The following COPS2 variants were observed in gnomAD, a reference collection of about 807,000 sequenced individuals.
COPS2 encodes COP9 signalosome subunit 2.
COPS2 carries 10 observed loss-of-function variants against 66.1 expected under a neutral mutation model. The ratio of observed to expected loss-of-function variants is 0.15; its 90% CI spans 0.09 to 0.26. The LOEUF is 0.26. Ranked by LOEUF, COPS2 falls within the 10% of genes least tolerant of loss-of-function variation. COPS2 has a pLI of 1.00. For missense variants in COPS2, 215 were observed against 513.3 expected (o/e 0.42, Z 5.62); for synonymous variants, 179 against 171.3 (o/e 1.04, Z -0.35).
At chr15:49,137,304 C>G (rs763039248) in intron 5 of COPS2, 44 bp downstream of exon 5, 2 of 1,532,514 alleles carry the variant, frequency 1.3e-6, no homozygotes, top group South Asian at 1.2e-5. Flanking sequence ...TTAAAAACAC[C>G]CACCCACTTT....
chr15:49,150,071 G>T (rs1595826644), intron 1 of COPS2, among the ~76,000 whole-genome samples: 1 of 151,710 alleles, frequency 6.6e-6, no homozygotes, highest in East Asian at 1.9e-4. Context: ...GAGGCAGGTG[G>T]ATCACCAGGA....
At chr15:49,129,323 A>G (rs1336267919) in intron 11 of COPS2, among the ~76,000 whole-genome samples, 154 bp downstream of exon 11, 1 of 151,886 alleles carries the variant, frequency 6.6e-6, no homozygotes, top group African/African-American at 2.4e-5. Context: ...AAAAAAAATG[A>G]TTAAAAGTAA....
At chr15:49,150,013 T>G (rs1404431425) in intron 1 of COPS2, among the ~76,000 whole-genome samples, 1 of 152,090 alleles carries the variant, frequency 6.6e-6, no homozygotes. Flanking sequence ...AAAAACTGTC[T>G]GCTGGGCACG....
Position 49,123,873 on chromosome 15 carries a change from T to C in COPS2, c.*4077A>G, listed in dbSNP as rs2084142876. The C allele has an allele frequency of 6.6e-6, 1 of 152,200 alleles. No homozygotes were observed. Among genetic ancestry groups the C allele is most frequent in the African/African-American group, 2.4e-5 (1 of 41,454 alleles). 9.4% of individuals were successfully genotyped at this position (152,200 alleles called of 1,614,324 possible). A position where few individuals can be genotyped will look rare whatever the true frequency, so the allele number is the denominator to read the frequency against. ...TCCTTAAAATTCAAAAGCAAGTAAG[T>C]GATGCTAAACTTTAGCATTTTGAGA... On this transcript the variant is annotated 3_prime_UTR_variant, in exon 13 of 13. Coordinates refer to ENST00000388901, the MANE Select transcript of COPS2 (RefSeq NM_004236.4).
intron 4 of COPS2, among the ~76,000 whole-genome samples, chr15:49,139,023 T>TAAGA (rs2084272483): frequency 6.6e-6 from 1 of 152,212 alleles, no homozygotes; most frequent in Non-Finnish European, 1.5e-5. Context: ...ATACCTTCTT[T>TAAGA]AGTTTCTTTC....
At chr15:49,153,720 T>G (rs544896311) in intron 1 of COPS2, among the ~76,000 whole-genome samples, 1 of 152,326 alleles carries the variant, frequency 6.6e-6, no homozygotes, top group Non-Finnish European at 1.5e-5. Context: ...TAAAAAAGAA[T>G]GAAATTCTGT....
In COPS2 at chr15:49,124,978, A is replaced by G. The variant is rs1309949286; in HGVS notation, c.*2972T>C. 6.6e-6 allele frequency: 1 copy of G among 152,188 alleles called. No individual in the cohort carries two copies. The highest frequency in any genetic ancestry group is 1.5e-5 in the Non-Finnish European group (1 of 68,012). The allele number at this position is 152,188 out of a possible 1,614,324, so 9.4% of individuals were successfully genotyped here. A position where few individuals can be genotyped will look rare whatever the true frequency, so the allele number is the denominator to read the frequency against. On this transcript the variant is annotated 3_prime_UTR_variant, in exon 13 of 13. Coordinates refer to ENST00000388901, the MANE Select transcript of COPS2 (RefSeq NM_004236.4). The stretch of plus-strand genomic sequence containing the variant: ...CACAAAAGCATACATACCTGTGTTT[A>G]CTGAAGAACTGTAACTATTGATTAA...
intron 12 of COPS2, 60 bp from the exon 13 acceptor site, chr15:49,128,154 TTAA>T (rs1158864493): frequency 6.5e-7 from 1 of 1,533,602 alleles, no homozygotes; most frequent in Non-Finnish European, 8.9e-7. Flanking sequence ...AGTTTCTGGA[TTAA>T]TGTTTCATAA....
At chr15:49,142,369 T>G (rs1236645273) in intron 3 of COPS2, among the ~76,000 whole-genome samples, 1 of 152,168 alleles carries the variant, frequency 6.6e-6, no homozygotes, top group Non-Finnish European at 1.5e-5. Flanking sequence ...GTGCCCCTCC[T>G]ATTAAAGGTG....
chr15:49,144,829 G>C (rs907925299), intron 2 of COPS2, 136 bp downstream of exon 2: 2 of 536,916 alleles, frequency 3.7e-6, no homozygotes, highest in Non-Finnish European at 6.5e-6. Flanking sequence ...ACACTTGCTT[G>C]TGCTGCCTAA....
At chr15:49,137,123 A>G in intron 6 of COPS2, 27 bp downstream of exon 6, 1 of 1,447,598 alleles carries the variant, frequency 6.9e-7, no homozygotes, top group Non-Finnish European at 9.4e-7. Flanking sequence ...ATGAAGAAAT[A>G]TTCAGAAAAA....
chr15:49,125,939 T>C lies in COPS2; in HGVS notation c.*2011A>G, dbSNP rs1163871385. On this transcript the variant is annotated 3_prime_UTR_variant, in exon 13 of 13. Coordinates refer to ENST00000388901, the MANE Select transcript of COPS2 (RefSeq NM_004236.4). ...AATTGGAGGATAAAGGTTAAATCAT[T>C]TCATTCAAATCTTTGAATTCTAATT... 3 of 152,266 alleles carry C rather than the reference T, an allele frequency of 2.0e-5. No individual in the cohort carries two copies. In the East Asian group the frequency reaches 5.8e-4, roughly 29 times the overall value. The allele number at this position is 152,266 out of a possible 1,614,324, so 9.4% of individuals were successfully genotyped here. A position where few individuals can be genotyped will look rare whatever the true frequency, so the allele number is the denominator to read the frequency against.
chr15:49,138,993 T>C (rs776714100), intron 4 of COPS2, among the ~76,000 whole-genome samples: 2 of 152,228 alleles, frequency 1.3e-5, no homozygotes, highest in East Asian at 1.9e-4. Context: ...AGACTCATAA[T>C]GAAAGCACTA....
In COPS2 at chr15:49,127,829, G is replaced by T; in HGVS notation, c.*121C>A. ...ACCAGTTGATCAAAAAAGCACTTCTGCCATAACTCCAATAATTTTCAGGAC... is the reference window on the plus strand; with the variant it reads ...ACCAGTTGATCAAAAAAGCACTTCTTCCATAACTCCAATAATTTTCAGGAC... On this transcript the variant is annotated 3_prime_UTR_variant, in exon 13 of 13. Coordinates refer to ENST00000388901, the MANE Select transcript of COPS2 (RefSeq NM_004236.4). 1 of 1,043,986 alleles carries T rather than the reference G, an allele frequency of 9.6e-7. No homozygotes were observed. The highest frequency in any genetic ancestry group is 1.4e-6 in the Non-Finnish European group (1 of 726,328). 64.7% of individuals were successfully genotyped at this position (1,043,986 alleles called of 1,614,324 possible). A position where few individuals can be genotyped will look rare whatever the true frequency, so the allele number is the denominator to read the frequency against.
intron 4 of COPS2, 183 bp downstream of exon 4, chr15:49,139,345 C>T (rs750938610): frequency 1.4e-4 from 71 of 504,126 alleles, no homozygotes; most frequent in Non-Finnish European, 2.4e-4. Context: ...GAGTTATTAC[C>T]TTTTACTATT....
chr15:49,140,478 C>A (rs575885010), intron 3 of COPS2, among the ~76,000 whole-genome samples: 28 of 152,170 alleles, frequency 1.8e-4, no homozygotes, highest in African/African-American at 5.3e-4. Flanking sequence ...CCTCAATACT[C>A]GTTTCAAGTC....
chr15:49,127,194 G>A lies in COPS2; in HGVS notation c.*756C>T, dbSNP rs2084173873. On this transcript the variant is annotated 3_prime_UTR_variant, in exon 13 of 13. Coordinates refer to ENST00000388901, the MANE Select transcript of COPS2 (RefSeq NM_004236.4). ...TAGTTCTCCTTACTCTATCAATAAAGACTACTTTTAAAAACTTGAAAGCAA... is the reference window on the plus strand; with the variant it reads ...TAGTTCTCCTTACTCTATCAATAAAAACTACTTTTAAAAACTTGAAAGCAA... The A allele has an allele frequency of 6.6e-6, 1 of 152,212 alleles. No homozygotes were observed. Among genetic ancestry groups the A allele is most frequent in the Admixed American group, 6.6e-5 (1 of 15,250 alleles). The allele number at this position is 152,212 out of a possible 1,614,324, so 9.4% of individuals were successfully genotyped here.
At chr15:49,137,274 T>TG in intron 5 of COPS2, 47 bp from the exon 6 acceptor site, 1 of 1,536,086 alleles carries the variant, frequency 6.5e-7, no homozygotes, top group Non-Finnish European at 8.9e-7. Flanking sequence ...ACAGAAGATG[T>TG]GCATCTTTAG....
At chr15:49,145,288 T>C (rs1182927591) in intron 1 of COPS2, among the ~76,000 whole-genome samples, 1 of 152,180 alleles carries the variant, frequency 6.6e-6, no homozygotes, top group African/African-American at 2.4e-5. Flanking sequence ...AAATCAAGTG[T>C]ATAGCAGAAT....
Sources: allele counts gnomAD v4.1 joint callset (sites outside exome capture counted in the v4.1 genomes callset), GRCh38; gene constraint gnomAD v4.1.1; transcripts MANE v1.5; gene names NCBI Gene and HGNC (gene_info 2026-07-23, HGNC 2026-07-21).